LUC7L3: variants seen among roughly 807,000 people sequenced by gnomAD.
The protein encoded by LUC7L3 is LUC7 like 3 pre-mRNA splicing factor.
In LUC7L3, 6 loss-of-function variants were observed where a neutral mutation model predicts 66.8. The observed-to-expected ratio is 0.09, with a 90% CI of 0.05 to 0.18. LUC7L3 has a LOEUF of 0.18. Among genes scored for constraint, LUC7L3 ranks in the 10% least tolerant of loss-of-function variants. The pLI, the probability that LUC7L3 is intolerant of heterozygous loss-of-function variation, is 1.00. For missense variants in LUC7L3, 341 were observed against 531.1 expected (o/e 0.64, Z 3.52); for synonymous variants, 160 against 174.7 (o/e 0.92, Z 0.66).
At chr17:50,738,351 A>C (rs1970123376) in intron 2 of LUC7L3, among the ~76,000 whole-genome samples, 1 of 152,252 alleles carries the variant, frequency 6.6e-6, no homozygotes, top group Admixed American at 6.5e-5. Context: ...GTTGCTTGCC[A>C]AGGACCACCA....
In LUC7L3 at chr17:50,752,349, A is replaced by T; in HGVS notation, c.*1688A>T. ...TTATTATTATTATTATTAAAAGTTA[A>T]TTCAGGACTGATGTGACCTACCAGA... On this transcript the variant is annotated 3_prime_UTR_variant, in exon 10 of 10. Transcript: ENST00000505658. 1.6e-6 allele frequency: 1 copy of T among 635,460 alleles called. No homozygotes were observed. Among genetic ancestry groups the T allele is most frequent in the Non-Finnish European group, 2.3e-6 (1 of 444,066 alleles). 39.4% of individuals were successfully genotyped at this position (635,460 alleles called of 1,614,324 possible). A position where few individuals can be genotyped will look rare whatever the true frequency, so the allele number is the denominator to read the frequency against.
intron 2 of LUC7L3, among the ~76,000 whole-genome samples, chr17:50,738,647 ATAAAAT>A (rs997288350): frequency 6.6e-6 from 1 of 152,236 alleles, no homozygotes; most frequent in Non-Finnish European, 1.5e-5. Context: ...AGATTTGAAA[ATAAAAT>A]TAAGGAAATT....
At position 50,737,044 on chromosome 17, in the gene LUC7L3, G is replaced by T. The variant is rs376275271; in HGVS notation, c.166+18G>T. 6.3e-6 allele frequency: 10 copies of T among 1,575,224 alleles called. No individual in the cohort carries two copies. The African/African-American group carries it at 1.1e-4, about 17-fold the overall frequency. On this transcript the variant is annotated intron_variant, in intron 2 of 9. Coordinates refer to ENST00000505658, the MANE Select transcript of LUC7L3 (RefSeq NM_016424.5). ...TGATCTTGGTAAGTGAATTTTCTGT[G>T]TAACTTTTATCAAATTTATGATATT...
chr17:50,741,799 G>T, intron 5 of LUC7L3, 68 bp downstream of exon 5: 1 of 1,216,500 alleles, frequency 8.2e-7, no homozygotes, highest in Non-Finnish European at 1.2e-6. Context: ...AAAATACAAG[G>T]ATGGGCCAGG....
chr17:50,725,830 C>T (rs1163458621), intron 1 of LUC7L3, among the ~76,000 whole-genome samples: 1 of 152,172 alleles, frequency 6.6e-6, no homozygotes, highest in Non-Finnish European at 1.5e-5. Flanking sequence ...CCACAAAATA[C>T]ATACGAATCA....
At chr17:50,746,483 C>T (rs1970675818) in intron 8 of LUC7L3, 59 bp from the exon 9 acceptor site, 4 of 1,496,056 alleles carry the variant, frequency 2.7e-6, no homozygotes, top group Non-Finnish European at 3.6e-6. Flanking sequence ...GCATCTACTC[C>T]AAGGCCTTTA....
intron 9 of LUC7L3, among the ~76,000 whole-genome samples, chr17:50,749,576 C>T (rs937748459): frequency 1.3e-5 from 2 of 152,210 alleles, no homozygotes; most frequent in Non-Finnish European, 2.9e-5. Flanking sequence ...GTCTTCATAA[C>T]TGTGCAGAAA....
At chr17:50,729,883 G>GAAT (rs1387391908) in intron 1 of LUC7L3, among the ~76,000 whole-genome samples, 2 of 112,934 alleles carry the variant, frequency 1.8e-5, no homozygotes, top group African/African-American at 6.3e-5. Flanking sequence ...AGTATATATT[G>GAAT]AATATAAATA....
chr17:50,745,848 G>A lies in LUC7L3; in HGVS notation c.822G>A (p.Arg274=), dbSNP rs746930402. 6 of 1,590,198 alleles carry A rather than the reference G, an allele frequency of 3.8e-6. No individual in the cohort carries two copies. The African/African-American group carries it at 5.4e-5, about 14-fold the overall frequency. The change falls in exon 8 of 10, where the codon AGG becomes AGA. Residue 274 remains arginine (R), a synonymous_variant. Transcript: ENST00000505658. The part of the protein sequence containing the change: ...EREERERKRR[R]EEEEREKERA... ...AAGAAAGAGAAAGGAAAAGACGAAG[G>A]GAAGAGGAAGAAAGAGAAAAAGAAA...
In LUC7L3 at chr17:50,754,645, C is replaced by CG. The variant is rs1421116675; in HGVS notation, c.*3985dup. The CG allele has an allele frequency of 6.6e-6, 1 of 152,052 alleles. No individual in the cohort carries two copies. The highest frequency in any genetic ancestry group is 2.4e-5 in the African/African-American group (1 of 41,408). The allele number at this position is 152,052 out of a possible 1,614,324, so 9.4% of individuals were successfully genotyped here. A position where few individuals can be genotyped will look rare whatever the true frequency, so the allele number is the denominator to read the frequency against. The stretch of plus-strand genomic sequence containing the variant: ...CATATCATGCTCCTTTTTGTTAAAA[C>CG]GTTTTTTTTTCCCCTTCAAACACAG... On this transcript the variant is annotated 3_prime_UTR_variant, in exon 10 of 10. Transcript: ENST00000505658.
intron 9 of LUC7L3, 93 bp from the exon 10 acceptor site, chr17:50,750,408 C>G (rs1970923706): frequency 8.5e-7 from 1 of 1,175,212 alleles, no homozygotes; most frequent in Admixed American, 2.3e-5. Context: ...AAATGATTGT[C>G]TCTCATCTCT....
chr17:50,749,777 G>A (rs1322633282), intron 9 of LUC7L3, among the ~76,000 whole-genome samples: 1 of 152,174 alleles, frequency 6.6e-6, no homozygotes, highest in Non-Finnish European at 1.5e-5. Flanking sequence ...TTGCTCTGGT[G>A]TACTACTTTT....
chr17:50,749,536 A>G (rs1337454984), intron 9 of LUC7L3, among the ~76,000 whole-genome samples: 1 of 152,204 alleles, frequency 6.6e-6, no homozygotes, highest in Non-Finnish European at 1.5e-5. Context: ...GTTTTTCATT[A>G]CCATCTCTTT....
chr17:50,729,896 T>TTTTATATATATATA (rs1353844154), intron 1 of LUC7L3, among the ~76,000 whole-genome samples: 1 of 65,586 alleles, frequency 1.5e-5, no homozygotes. Flanking sequence ...TATAAATACA[T>TTTTATATATATATA]TATATATATA....
chr17:50,723,458 T>G (rs1264665881), intron 1 of LUC7L3: 4 of 152,492 alleles, frequency 2.6e-5, no homozygotes, highest in African/African-American at 4.8e-5. Context: ...ACTTGTATAC[T>G]TTTTCTTTTT....
intron 1 of LUC7L3, among the ~76,000 whole-genome samples, chr17:50,735,374 A>T (rs928756888): frequency 3.3e-5 from 5 of 152,222 alleles, no homozygotes; most frequent in African/African-American, 9.6e-5. Context: ...GTTGAGGAAA[A>T]AAAAGGCCTA....
At chr17:50,746,051 A>G (rs1475633653) in intron 8 of LUC7L3, 48 bp downstream of exon 8, 9 of 1,527,078 alleles carry the variant, frequency 5.9e-6, no homozygotes, top group Admixed American at 4.7e-5. Flanking sequence ...TGGGTGTGCA[A>G]TAACAATAAT....
At chr17:50,743,602 C>A in intron 5 of LUC7L3, 104 bp from the exon 6 acceptor site, 5 of 702,324 alleles carry the variant, frequency 7.1e-6, no homozygotes, top group East Asian at 5.6e-5. Context: ...TAAATGAAAC[C>A]AAACAAAAAA....
intron 1 of LUC7L3, among the ~76,000 whole-genome samples, chr17:50,726,926 T>C (rs1265985409): frequency 2.6e-5 from 4 of 151,918 alleles, no homozygotes; most frequent in Admixed American, 2.6e-4. Context: ...CTGTCTCTAC[T>C]AAAAATACAA....
Sources: allele counts gnomAD v4.1 joint callset (sites outside exome capture counted in the v4.1 genomes callset), GRCh38; gene constraint gnomAD v4.1.1; transcripts MANE v1.5; gene names NCBI Gene and HGNC (gene_info 2026-07-23, HGNC 2026-07-21).